MVB12B: variants seen among roughly 807,000 people sequenced by gnomAD.
MVB12B encodes multivesicular body subunit 12B, also known as ESCRT-I complex subunit MVB12B.
MVB12B carries 16 observed loss-of-function variants against 41.6 expected under a neutral mutation model. The ratio of observed to expected loss-of-function variants is 0.38; its 90% CI spans 0.26 to 0.58. The LOEUF (loss-of-function observed/expected upper bound fraction) is 0.58. Among genes scored for constraint, MVB12B ranks in the 20% least tolerant of loss-of-function variants. MVB12B has a pLI of 0.62. For synonymous variants in MVB12B, 133 were observed against 139.7 expected, an observed-to-expected ratio of 0.95 and a Z score of 0.34; for missense variants, 274 against 380.2, an observed-to-expected ratio of 0.72 and a Z score of 2.32.
At chr9:126,491,132 G>A (rs10117815) in intron 9 of MVB12B, among the ~76,000 whole-genome samples, 3,427 of 152,286 alleles carry the variant, frequency 0.023, 118 homozygotes, top group African/African-American at 0.077. Context: ...TAGCATTTAC[G>A]TCACGACACT....
chr9:126,348,708 G>A (rs1004827416), intron 2 of MVB12B, among the ~76,000 whole-genome samples: 1 of 152,044 alleles, frequency 6.6e-6, no homozygotes, highest in East Asian at 1.9e-4. Flanking sequence ...AAGACGAGGC[G>A]CTTGCTTTAA....
intron 7 of MVB12B, among the ~76,000 whole-genome samples, chr9:126,439,506 G>A (rs1300629884): frequency 1.3e-5 from 2 of 152,212 alleles, no homozygotes; most frequent in East Asian, 3.8e-4. Context: ...ATCTACTCTG[G>A]TCTTGAAGGA....
chr9:126,463,737 C>T (rs1174091424), intron 7 of MVB12B, among the ~76,000 whole-genome samples: 1 of 152,182 alleles, frequency 6.6e-6, no homozygotes, highest in Non-Finnish European at 1.5e-5. Context: ...CTTGAGGGTG[C>T]TCAGGTCCTG....
chr9:126,503,431 G>T lies in MVB12B; in HGVS notation c.*168G>T. On this transcript the variant is annotated 3_prime_UTR_variant, in exon 10 of 10. Coordinates refer to ENST00000361171, the MANE Select transcript of MVB12B (RefSeq NM_033446.3). The stretch of plus-strand genomic sequence containing the variant: ...AAGTGGGCGCATCCTGTCTTCAGCT[G>T]GCCTCACTGACACCCCGGCCTCCCT... 1.6e-6 allele frequency: 1 copy of T among 613,548 alleles called. No homozygotes were observed. The highest frequency in any genetic ancestry group is 2.9e-6 in the Non-Finnish European group (1 of 348,094). 38.0% of individuals were successfully genotyped at this position (613,548 alleles called of 1,614,324 possible).
chr9:126,409,125 C>A (rs13302579), intron 6 of MVB12B, among the ~76,000 whole-genome samples: 43,165 of 151,190 alleles, frequency 0.29, 6,701 homozygotes, highest in South Asian at 0.42. Context: ...TGGGGGGGGG[C>A]TCAGTAATGC....
intron 7 of MVB12B, among the ~76,000 whole-genome samples, 189 bp downstream of exon 7, chr9:126,422,137 C>G (rs1832040000): frequency 6.6e-6 from 1 of 152,164 alleles, no homozygotes; most frequent in South Asian, 2.1e-4. Context: ...TAGAGAAGGG[C>G]CAAATACTCA....
chr9:126,330,623 C>T (rs1057024457), intron 1 of MVB12B, among the ~76,000 whole-genome samples: 2 of 152,172 alleles, frequency 1.3e-5, no homozygotes, highest in South Asian at 4.1e-4. Context: ...ATACACGTAA[C>T]ATAAAATTGA....
chr9:126,378,630 G>GTCTC (rs147449615), intron 2 of MVB12B, among the ~76,000 whole-genome samples: 14 of 147,402 alleles, frequency 9.5e-5, no homozygotes, highest in East Asian at 6.0e-4. Flanking sequence ...TCTCTTCTCT[G>GTCTC]TCTCTCTCTC....
chr9:126,402,247 G>A (rs1831286548), intron 6 of MVB12B, among the ~76,000 whole-genome samples: 3 of 152,150 alleles, frequency 2.0e-5, no homozygotes, highest in South Asian at 4.1e-4. Flanking sequence ...GTAATAAATT[G>A]TGACATGGAT....
At chr9:126,495,504 CG>C (rs1410675693) in intron 9 of MVB12B, among the ~76,000 whole-genome samples, 5 of 152,176 alleles carry the variant, frequency 3.3e-5, no homozygotes, top group Non-Finnish European at 7.4e-5. Flanking sequence ...GTACGAGAAA[CG>C]TTTTGCTTTC....
chr9:126,369,565 T>G (rs576702601), intron 2 of MVB12B, among the ~76,000 whole-genome samples: 1 of 152,342 alleles, frequency 6.6e-6, no homozygotes, highest in Admixed American at 6.5e-5. Context: ...TTCCTAGGTA[T>G]CTTTCCATGT....
At chr9:126,396,042 C>T in intron 6 of MVB12B, 1 of 1,050,426 alleles carries the variant, frequency 9.5e-7, no homozygotes, top group Non-Finnish European at 1.1e-6. Flanking sequence ...AGGTCAAATT[C>T]CTTCTCTGTC....
chr9:126,378,630 GTC>G (rs147449615), intron 2 of MVB12B, among the ~76,000 whole-genome samples: 182 of 146,242 alleles, frequency 1.2e-3, no homozygotes, highest in East Asian at 3.8e-3. Flanking sequence ...TCTCTTCTCT[GTC>G]TCTCTCTCTC....
chr9:126,423,870 T>A (rs1186228854), intron 7 of MVB12B, among the ~76,000 whole-genome samples: 3 of 152,224 alleles, frequency 2.0e-5, no homozygotes, highest in Non-Finnish European at 4.4e-5. Flanking sequence ...AGTTTGGTAT[T>A]GTGAAGTTAG....
chr9:126,478,315 C>T lies in MVB12B; in HGVS notation c.758-3054C>T, dbSNP rs1396910508. ...AGGTCCTGAGAGAGTTAGGCACTTG[C>T]CCCAGGCTGGAGCCCTCTACCCAGT... On this transcript the variant is annotated intron_variant, in intron 7 of 9. Coordinates refer to ENST00000361171, the MANE Select transcript of MVB12B (RefSeq NM_033446.3). The surrounding 1 kb of genome is among the most constrained non-coding windows in gnomAD (Gnocchi z 4.2). Among the ~76,000 whole-genome samples the T allele has an allele frequency of 1.3e-5, 2 of 152,122 alleles. No individual in the cohort carries two copies. The highest frequency in any genetic ancestry group is 1.5e-5 in the Non-Finnish European group (1 of 68,024).
intron 6 of MVB12B, among the ~76,000 whole-genome samples, chr9:126,409,557 G>T (rs1468752627): frequency 6.6e-6 from 1 of 152,180 alleles, no homozygotes; most frequent in Non-Finnish European, 1.5e-5. Context: ...TGTGTCCAGG[G>T]TTCAATGCAG....
At chr9:126,375,591 T>G (rs1830460721) in intron 2 of MVB12B, among the ~76,000 whole-genome samples, 1 of 152,106 alleles carries the variant, frequency 6.6e-6, no homozygotes, top group Non-Finnish European at 1.5e-5. Context: ...TGCTGTGCTG[T>G]GTGGGTTCTG....
rs1477049409 is a variant in MVB12B, at chr9:126,397,117, G to C, written c.662+1420G>C. The C allele has an allele frequency of 3.0e-6, 3 of 985,512 alleles. No homozygotes were observed. The African/African-American group carries it at 5.2e-5, about 17-fold the overall frequency. 61.0% of individuals were successfully genotyped at this position (985,512 alleles called of 1,614,324 possible). A position where few individuals can be genotyped will look rare whatever the true frequency, so the allele number is the denominator to read the frequency against. On this transcript the variant is annotated intron_variant, in intron 6 of 9. Coordinates refer to ENST00000361171, the MANE Select transcript of MVB12B (RefSeq NM_033446.3). Reference sequence around the variant, plus strand: ...TTGTACTTGGAGCAGCTCAAGTGTGGGCTCCTTGCAGAGGCTGGAAAGCCC... The same window carrying C: ...TTGTACTTGGAGCAGCTCAAGTGTGCGCTCCTTGCAGAGGCTGGAAAGCCC...
chr9:126,466,323 A>G (rs977126805), intron 7 of MVB12B, among the ~76,000 whole-genome samples: 29 of 152,188 alleles, frequency 1.9e-4, no homozygotes, highest in African/African-American at 7.0e-4. Flanking sequence ...TGGCCGACCC[A>G]GCACTCCAAA....
Sources: gnomAD v4.1 joint callset for allele counts (sites outside exome capture counted in the v4.1 genomes callset) on GRCh38, gnomAD v4.1.1 for gene constraint, Gnocchi (gnomAD v3.1) non-coding constraint, MANE v1.5 for transcripts, NCBI Gene and HGNC (gene_info 2026-07-23, HGNC 2026-07-21) for gene names.